The following SNTG1 variants were observed in gnomAD, a reference collection of about 807,000 sequenced individuals.
The protein encoded by SNTG1 is syntrophin gamma 1, also known as gamma-1-syntrophin.
SNTG1 carries 39 observed loss-of-function variants against 74.7 expected under a neutral mutation model. That is an observed-to-expected ratio of 0.52 (90% confidence interval 0.40 to 0.68). SNTG1 has a LOEUF of 0.68. Ranked by LOEUF, SNTG1 falls within the 30% of genes least tolerant of loss-of-function variation. The probability of loss-of-function intolerance (pLI) is 0.00; values close to 1 mark genes in which losing one functional copy is unlikely to be tolerated. For missense variants in SNTG1, 685 were observed against 609.5 expected (o/e 1.12, Z -1.30); for synonymous variants, 254 against 217.1 (o/e 1.17, Z -1.49).
At chr8:50,491,404 T>C (rs1173968425) in intron 8 of SNTG1, 5 of 152,438 alleles carry the variant, frequency 3.3e-5, no homozygotes, top group Middle Eastern at 3.4e-3. Context: ...GCGTTTTTGA[T>C]GGATATGGAT....
chr8:50,054,261 A>G (rs2130896734), intron 1 of SNTG1, among the ~76,000 whole-genome samples: 1 of 152,158 alleles, frequency 6.6e-6, no homozygotes, highest in South Asian at 2.1e-4. Context: ...TGATGTCATC[A>G]TTTACCCACT....
intron 18 of SNTG1, 32 bp downstream of exon 18, chr8:50,752,143 C>G (rs368927986): frequency 3.3e-6 from 4 of 1,228,114 alleles, no homozygotes; most frequent in Non-Finnish European, 1.1e-6. Flanking sequence ...CATAACACCT[C>G]TAACTACATT....
chr8:50,715,506 T>C (rs533454075), intron 17 of SNTG1, among the ~76,000 whole-genome samples: 1 of 152,296 alleles, frequency 6.6e-6, no homozygotes, highest in South Asian at 2.1e-4. Context: ...GAAATCAAGA[T>C]TGGTTAACAG....
intron 1 of SNTG1, among the ~76,000 whole-genome samples, chr8:50,105,807 G>A (rs559678790): frequency 9.9e-5 from 15 of 151,984 alleles, no homozygotes; most frequent in South Asian, 2.1e-4. Flanking sequence ...GAGTGAGATC[G>A]CATTCTGAAT....
At position 50,273,601 on chromosome 8, in the gene SNTG1, C is replaced by G. The variant is rs183045426; in HGVS notation, c.-28+100966C>G. 1.7e-3 allele frequency among the ~76,000 whole-genome samples: 256 copies of G among 152,272 alleles called. 1 individual carries two copies. Among genetic ancestry groups the G allele is most frequent in the Non-Finnish European group, 1.7e-3 (116 of 68,030 alleles). ...ATGGGTATTGGAAGGATTGGAAGCA[C>G]TAAATAGGAGCAGATGCATGATGCA... On this transcript the variant is annotated intron_variant, in intron 2 of 18. Transcript: ENST00000642720.
intron 2 of SNTG1, among the ~76,000 whole-genome samples, chr8:50,221,420 T>A (rs926899429): frequency 6.6e-6 from 1 of 151,514 alleles, no homozygotes; most frequent in Non-Finnish European, 1.5e-5. Flanking sequence ...AAGATCAACG[T>A]GGCAAAATAT....
At chr8:50,268,816 C>A (rs1392641100) in intron 2 of SNTG1, among the ~76,000 whole-genome samples, 1 of 151,962 alleles carries the variant, frequency 6.6e-6, no homozygotes, top group Non-Finnish European at 1.5e-5. Context: ...ACCACCACAC[C>A]CAGCTAATTT....
intron 2 of SNTG1, among the ~76,000 whole-genome samples, chr8:50,225,206 T>G (rs567895621): frequency 5.9e-5 from 9 of 152,118 alleles, no homozygotes; most frequent in Middle Eastern, 3.2e-3. Flanking sequence ...TCTCCTGACC[T>G]CGTGATCCAC....
intron 15 of SNTG1, among the ~76,000 whole-genome samples, chr8:50,698,247 G>A (rs2095411761): frequency 6.6e-6 from 1 of 152,088 alleles, no homozygotes; most frequent in South Asian, 2.1e-4. Context: ...TAAGCATAAG[G>A]GTGTGGACTC....
At chr8:49,967,366 A>C (rs1811236849) in intron 1 of SNTG1, among the ~76,000 whole-genome samples, 2 of 152,112 alleles carry the variant, frequency 1.3e-5, no homozygotes, top group Non-Finnish European at 2.9e-5. Context: ...CATTTGTTTC[A>C]TCTTGTTTTA....
chr8:50,408,913 C>T (rs1294610103), intron 4 of SNTG1, among the ~76,000 whole-genome samples: 2 of 152,154 alleles, frequency 1.3e-5, no homozygotes, highest in Non-Finnish European at 2.9e-5. Flanking sequence ...GGCTTTGCTT[C>T]ACAAAATCTC....
chr8:50,219,335 A>T (rs185192515), intron 2 of SNTG1, among the ~76,000 whole-genome samples: 1 of 152,204 alleles, frequency 6.6e-6, no homozygotes, highest in Non-Finnish European at 1.5e-5. Context: ...ATCAAATTTT[A>T]TTGATTGTGA....
intron 1 of SNTG1, among the ~76,000 whole-genome samples, chr8:50,029,265 C>A (rs1041175379): frequency 6.6e-6 from 1 of 152,090 alleles, no homozygotes; most frequent in Non-Finnish European, 1.5e-5. Flanking sequence ...TACAGGCATA[C>A]AATGTGTAAT....
At chr8:50,468,729 T>C (rs1217933250) in intron 8 of SNTG1, among the ~76,000 whole-genome samples, 1 of 152,192 alleles carries the variant, frequency 6.6e-6, no homozygotes, top group African/African-American at 2.4e-5. Context: ...TTTAACTTCC[T>C]TGGTTTACCT....
intron 4 of SNTG1, among the ~76,000 whole-genome samples, chr8:50,423,829 A>T (rs2093127981): frequency 6.6e-6 from 1 of 152,142 alleles, no homozygotes; most frequent in South Asian, 2.1e-4. Flanking sequence ...GACTTAACTG[A>T]CTAGTAGTTA....
At chr8:50,232,451 A>G (rs768092554) in intron 2 of SNTG1, among the ~76,000 whole-genome samples, 1 of 151,474 alleles carries the variant, frequency 6.6e-6, no homozygotes, top group African/African-American at 2.4e-5. Context: ...AAGAGGATCT[A>G]TAAAGAAAAA....
intron 4 of SNTG1, among the ~76,000 whole-genome samples, chr8:50,426,899 A>C (rs2062039): frequency 1.3e-5 from 2 of 152,104 alleles, no homozygotes; most frequent in African/African-American, 4.8e-5. Flanking sequence ...GCAATATGGT[A>C]TAACAGCTTT....
chr8:50,096,540 T>C (rs2079936774), intron 1 of SNTG1, among the ~76,000 whole-genome samples: 1 of 152,138 alleles, frequency 6.6e-6, no homozygotes, highest in Non-Finnish European at 1.5e-5. Context: ...TGCTGAAAAC[T>C]GAATTGTGGA....
chr8:49,981,580 G>T (rs947125991), intron 1 of SNTG1, among the ~76,000 whole-genome samples: 1 of 152,172 alleles, frequency 6.6e-6, no homozygotes, highest in Non-Finnish European at 1.5e-5. Context: ...TTACTTGTTT[G>T]TCTGCCACCA....
Sources: gnomAD v4.1 joint callset for allele counts (sites outside exome capture counted in the v4.1 genomes callset) on GRCh38, gnomAD v4.1.1 for gene constraint, MANE v1.5 for transcripts, NCBI Gene and HGNC (gene_info 2026-07-23, HGNC 2026-07-21) for gene names.